MAP2K6: variants seen among roughly 807,000 people sequenced by gnomAD.
MAP2K6 encodes mitogen-activated protein kinase kinase 6, also known as dual specificity mitogen-activated protein kinase kinase 6.
Under a neutral mutation model 53.7 loss-of-function variants are expected in MAP2K6, and 16 were observed. That is an observed-to-expected ratio of 0.30 (90% confidence interval 0.20 to 0.45). The LOEUF (loss-of-function observed/expected upper bound fraction) is 0.45. MAP2K6 is among the 20% of genes least tolerant of loss of function. The pLI is 1.00. For missense variants in MAP2K6, 204 were observed against 411.9 expected (o/e 0.50, Z 4.37); for synonymous variants, 132 against 143.1 (o/e 0.92, Z 0.55).
intron 1 of MAP2K6, among the ~76,000 whole-genome samples, chr17:69,491,730 GTTA>G (rs55714549): frequency 0.011 from 1,576 of 143,394 alleles, 18 homozygotes; most frequent in Middle Eastern, 0.036. Context: ...GCTGGCATCT[GTTA>G]TTATTATTAT....
At chr17:69,488,498 T>C (rs565448764) in intron 1 of MAP2K6, among the ~76,000 whole-genome samples, 39 of 152,262 alleles carry the variant, frequency 2.6e-4, no homozygotes, top group African/African-American at 8.7e-4. Context: ...CTATTCACAG[T>C]AGTAAAGACA....
intron 3 of MAP2K6, among the ~76,000 whole-genome samples, 159 bp from the exon 4 acceptor site, chr17:69,517,341 G>T (rs543086234): frequency 6.6e-6 from 1 of 152,194 alleles, no homozygotes; most frequent in East Asian, 1.9e-4. Context: ...GGCCCTTCTT[G>T]TAGCTTCTTG....
At chr17:69,452,996 GCTCTGTGATGT>G (rs1378169257) in intron 1 of MAP2K6, among the ~76,000 whole-genome samples, 1 of 152,168 alleles carries the variant, frequency 6.6e-6, no homozygotes, top group East Asian at 1.9e-4. Flanking sequence ...TCAACCAGGT[GCTCTGTGATGT>G]CCCTGTCATA....
At chr17:69,488,178 C>T (rs1313844599) in intron 1 of MAP2K6, among the ~76,000 whole-genome samples, 1 of 151,932 alleles carries the variant, frequency 6.6e-6, no homozygotes, top group Non-Finnish European at 1.5e-5. Flanking sequence ...AGAAGACATA[C>T]AAAAAAATGC....
chr17:69,519,911 T>C (rs1275045340), intron 5 of MAP2K6: 1 of 234,164 alleles, frequency 4.3e-6, no homozygotes, highest in Admixed American at 5.3e-5. Context: ...TGGTATTTAG[T>C]GTGAGAGATA....
chr17:69,433,007 A>C (rs1906515722), intron 1 of MAP2K6: 1 of 152,214 alleles, frequency 6.6e-6, no homozygotes. Context: ...AATGCTCTTG[A>C]ACCAAGAGAA....
Position 69,552,517 on chromosome 17 carries a change from T to G in MAP2K6, c.*10764T>G, listed in dbSNP as rs1912142039. On this transcript the variant is annotated 3_prime_UTR_variant, in exon 12 of 12. Coordinates refer to ENST00000590474, the MANE Select transcript of MAP2K6 (RefSeq NM_002758.4). ...CAGGCTGAACTGTAGAGCATGAAAC[T>G]CATTAGAAGTTTATAAAGTAAAGAC... 1 of 152,174 alleles carries G rather than the reference T, an allele frequency of 6.6e-6. No individual in the cohort carries two copies. Among genetic ancestry groups the G allele is most frequent in the Non-Finnish European group, 1.5e-5 (1 of 68,034 alleles). 9.4% of individuals were successfully genotyped at this position (152,174 alleles called of 1,614,324 possible). A position where few individuals can be genotyped will look rare whatever the true frequency, so the allele number is the denominator to read the frequency against.
chr17:69,515,178 A>G (rs1311128802), intron 2 of MAP2K6, among the ~76,000 whole-genome samples: 1 of 149,248 alleles, frequency 6.7e-6, no homozygotes, highest in Non-Finnish European at 1.5e-5. Context: ...TTTTTTTAAT[A>G]CAGAGTCTCA....
chr17:69,443,670 T>C (rs1275661517), intron 1 of MAP2K6, among the ~76,000 whole-genome samples: 1 of 152,096 alleles, frequency 6.6e-6, no homozygotes, highest in Non-Finnish European at 1.5e-5. Context: ...TCTTGGGAGC[T>C]CATCACTGGG....
chr17:69,515,221 A>G (rs1046224701), intron 2 of MAP2K6, among the ~76,000 whole-genome samples: 5 of 151,408 alleles, frequency 3.3e-5, no homozygotes, highest in Non-Finnish European at 7.4e-5. Flanking sequence ...TAATGGCACA[A>G]TCTCGGCTCA....
At position 69,536,145 on chromosome 17, in the gene MAP2K6, A is replaced by C. The variant is rs141053342; in HGVS notation, c.912A>C (p.Thr304=). 1.9e-6 allele frequency: 3 copies of C among 1,611,720 alleles called. No homozygotes were observed. Among genetic ancestry groups the C allele is most frequent in the Middle Eastern group, 1.7e-4 (1 of 6,056 alleles). The change falls in exon 11 of 12, where the codon ACA becomes ACC. Residue 304 remains threonine, a synonymous_variant. Transcript: ENST00000590474. ...AGAAGAATTCCAAAGAACGGCCTAC[A>C]TACCCAGAGCTAATGGTGAGTATTG... ...CLKKNSKERP[T]YPELMQHPFF...
At chr17:69,416,686 G>A in intron 1 of MAP2K6, among the ~76,000 whole-genome samples, 1 of 152,068 alleles carries the variant, frequency 6.6e-6, no homozygotes, top group South Asian at 2.1e-4. Flanking sequence ...TTTTCCTTCG[G>A]GTTGGTGAAA....
At chr17:69,427,740 G>A (rs1291396848) in intron 1 of MAP2K6, among the ~76,000 whole-genome samples, 1 of 152,188 alleles carries the variant, frequency 6.6e-6, no homozygotes, top group Non-Finnish European at 1.5e-5. Context: ...CCAGGTAGAA[G>A]ACCTGTCAGC....
At chr17:69,514,526 G>C (rs991390267) in intron 2 of MAP2K6, among the ~76,000 whole-genome samples, 1 of 152,036 alleles carries the variant, frequency 6.6e-6, no homozygotes, top group African/African-American at 2.4e-5. Context: ...TAAAATCTTA[G>C]AGTCATGTTT....
Position 69,552,382 on chromosome 17 carries a change from T to A in MAP2K6, c.*10629T>A. On this transcript the variant is annotated 3_prime_UTR_variant, in exon 12 of 12. Coordinates refer to ENST00000590474, the MANE Select transcript of MAP2K6 (RefSeq NM_002758.4). ...GTTTAAAATAAAAGAATGAATGCTA[T>A]TCAGTGGATTCCCTCATTGAGGCTC... 6.6e-6 allele frequency: 1 copy of A among 152,232 alleles called. No individual in the cohort carries two copies. 9.4% of individuals were successfully genotyped at this position (152,232 alleles called of 1,614,324 possible). A position where few individuals can be genotyped will look rare whatever the true frequency, so the allele number is the denominator to read the frequency against.
intron 1 of MAP2K6, among the ~76,000 whole-genome samples, chr17:69,470,451 C>A (rs1262786393): frequency 6.6e-6 from 1 of 152,060 alleles, no homozygotes; most frequent in Admixed American, 6.5e-5. Context: ...AGGGAGGAAA[C>A]CCTGCAAGGA....
At chr17:69,501,956 C>T (rs1474811052) in intron 1 of MAP2K6, among the ~76,000 whole-genome samples, 11 of 143,962 alleles carry the variant, frequency 7.6e-5, no homozygotes, top group Non-Finnish European at 1.2e-4. Context: ...TCAATGTTAG[C>T]GTCAGGTGTT....
At chr17:69,456,931 A>G (rs755469273) in intron 1 of MAP2K6, among the ~76,000 whole-genome samples, 2 of 152,202 alleles carry the variant, frequency 1.3e-5, no homozygotes, top group Non-Finnish European at 2.9e-5. Flanking sequence ...CATTTGACTG[A>G]TAAATGCCAG....
At chr17:69,455,963 C>T (rs1002494695) in intron 1 of MAP2K6, among the ~76,000 whole-genome samples, 4 of 150,236 alleles carry the variant, frequency 2.7e-5, no homozygotes, top group South Asian at 2.1e-4. Context: ...CGGGTTCAAG[C>T]AATTCTCCTG....
Sources: gnomAD v4.1 joint callset for allele counts (sites outside exome capture counted in the v4.1 genomes callset) on GRCh38, gnomAD v4.1.1 for gene constraint, MANE v1.5 for transcripts, NCBI Gene and HGNC (gene_info 2026-07-23, HGNC 2026-07-21) for gene names.